The following UBXN11 variants were observed in gnomAD, a reference collection of about 807,000 sequenced individuals.
UBXN11 encodes UBX domain-containing protein 11.
Under a neutral mutation model 62.8 loss-of-function variants are expected in UBXN11, and 47 were observed. The ratio of observed to expected loss-of-function variants is 0.75; its 90% CI spans 0.59 to 0.95. The LOEUF is 0.95. Among genes scored for constraint, UBXN11 ranks in the 40% least tolerant of loss-of-function variants. The pLI is 0.00. For synonymous variants in UBXN11, 294 were observed against 267.0 expected, an observed-to-expected ratio of 1.10 and a Z score of -0.99; for missense variants, 638 against 661.7, an observed-to-expected ratio of 0.96 and a Z score of 0.39.
intron 10 of UBXN11, 108 bp from the exon 11 acceptor site, chr1:26,284,590 AC>A: frequency 1.4e-6 from 2 of 1,424,568 alleles, no homozygotes; most frequent in South Asian, 1.5e-5. Flanking sequence ...GTCTAATGCA[AC>A]CCCCATTTTA....
chr1:26,291,139 C>T (rs75511481), intron 8 of UBXN11, among the ~76,000 whole-genome samples: 5,826 of 152,266 alleles, frequency 0.038, 173 homozygotes, highest in Non-Finnish European at 0.059. Flanking sequence ...TCACCCTCCA[C>T]AGGCCTCCAC....
At chr1:26,284,288 G>A (rs1359954911) in intron 11 of UBXN11, 43 bp from the exon 12 acceptor site, 2 of 1,609,844 alleles carry the variant, frequency 1.2e-6, no homozygotes, top group Non-Finnish European at 1.7e-6. Flanking sequence ...AGGACTATGA[G>A]TGGTGGTGGA....
chr1:26,295,123 A>C (rs887518093), intron 7 of UBXN11, among the ~76,000 whole-genome samples: 7 of 152,098 alleles, frequency 4.6e-5, no homozygotes, highest in African/African-American at 1.7e-4. Context: ...TTGGATGTCT[A>C]ATGGCTGTGG....
At chr1:26,284,506 C>T (rs750958979) in intron 10 of UBXN11, 24 bp from the exon 11 acceptor site, 32 of 1,570,918 alleles carry the variant, frequency 2.0e-5, no homozygotes, top group Admixed American at 3.6e-5. Flanking sequence ...AGGGCAACGA[C>T]GGCAGCGGAC....
chr1:26,288,440 G>A (rs976187742), intron 8 of UBXN11, among the ~76,000 whole-genome samples: 2 of 152,174 alleles, frequency 1.3e-5, no homozygotes, highest in East Asian at 1.9e-4. Context: ...CCAGGGGCCA[G>A]GAAGAAGGAA....
intron 6 of UBXN11, 125 bp from the exon 7 acceptor site, chr1:26,297,120 A>C: frequency 1.7e-6 from 2 of 1,161,414 alleles, no homozygotes; most frequent in East Asian, 2.6e-5. Flanking sequence ...TTGGCCCCCC[A>C]CCTCTCTGGC....
intron 2 of UBXN11, among the ~76,000 whole-genome samples, chr1:26,302,160 C>T (rs2073552773): frequency 6.6e-6 from 1 of 151,898 alleles, no homozygotes; most frequent in Non-Finnish European, 1.5e-5. Flanking sequence ...GTCAGGAGAT[C>T]GAGACCATCC....
intron 8 of UBXN11, among the ~76,000 whole-genome samples, chr1:26,290,918 G>A (rs371363282): frequency 2.6e-5 from 4 of 152,258 alleles, no homozygotes; most frequent in South Asian, 2.1e-4. Context: ...CCCCAGTGGC[G>A]TGTGACCAGA....
At chr1:26,299,558 G>T (rs1292408177) in intron 4 of UBXN11, among the ~76,000 whole-genome samples, 1 of 151,896 alleles carries the variant, frequency 6.6e-6, no homozygotes, top group Non-Finnish European at 1.5e-5. Context: ...AAAGGAGGTG[G>T]TGATGACAGC....
intron 1 of UBXN11, among the ~76,000 whole-genome samples, chr1:26,312,474 A>G (rs529322730): frequency 2.9e-4 from 43 of 150,810 alleles, no homozygotes; most frequent in African/African-American, 9.7e-4. Context: ...CTGGTTTCAA[A>G]CTCCCGACCT....
upstream of UBXN11, among the ~76,000 whole-genome samples, chr1:26,309,592 T>A (rs542465186): frequency 7.9e-5 from 12 of 152,158 alleles, no homozygotes; most frequent in Non-Finnish European, 1.6e-4. Context: ...AGCCTTATTA[T>A]AAAAATATAC....
Position 26,285,470 on chromosome 1 carries a change from G to C in UBXN11, c.846C>G (p.Pro282=), listed in dbSNP as rs758111110. The C allele has an allele frequency of 6.2e-7, 1 of 1,611,444 alleles. No homozygotes were observed. Among genetic ancestry groups the C allele is most frequent in the Non-Finnish European group, 8.5e-7 (1 of 1,178,504 alleles). ...TTGAGGAGCAGCTTATCACCTTAAA[G>C]GGGACCCCATTGGGGTACAGTCGCT... ...ELQRLYPNGV[P]FKVSDLRNQV... Residue 282 remains proline, a synonymous_variant, in exon 10 of 15, where the codon CCC becomes CCG. Coordinates refer to ENST00000374222, the MANE Select transcript of UBXN11 (RefSeq NM_001389556.1).
intron 2 of UBXN11, 82 bp downstream of exon 2, chr1:26,302,731 G>A (rs2073569324): frequency 7.6e-6 from 11 of 1,455,946 alleles, no homozygotes; most frequent in Non-Finnish European, 1.0e-5. Context: ...CAAGACACTA[G>A]GAGTCACTGT....
At chr1:26,283,181 C>G (rs767049356) in intron 12 of UBXN11, among the ~76,000 whole-genome samples, 1 of 152,152 alleles carries the variant, frequency 6.6e-6, no homozygotes, top group Non-Finnish European at 1.5e-5. Flanking sequence ...GAACCCCACA[C>G]AGACGATGAT....
chr1:26,297,389 G>A, intron 6 of UBXN11, 38 bp downstream of exon 6: 1 of 1,501,656 alleles, frequency 6.7e-7, no homozygotes, highest in South Asian at 1.3e-5. Flanking sequence ...GGAGGTGCCT[G>A]ACTGGGGGCG....
chr1:26,309,098 A>G (rs2073712873), upstream of UBXN11, among the ~76,000 whole-genome samples: 1 of 151,580 alleles, frequency 6.6e-6, no homozygotes, highest in South Asian at 2.1e-4. Flanking sequence ...ATGCCCAGCT[A>G]ATTTTTTTGT....
At chr1:26,315,066 C>T (rs1041480145) in intron 1 of UBXN11, among the ~76,000 whole-genome samples, 14 of 151,584 alleles carry the variant, frequency 9.2e-5, no homozygotes, top group Admixed American at 3.3e-4. Flanking sequence ...TGGGTGACAA[C>T]GGCAAGAACC....
chr1:26,300,789 C>A, intron 4 of UBXN11, 137 bp downstream of exon 4: 1 of 1,434,776 alleles, frequency 7.0e-7, no homozygotes, highest in Non-Finnish European at 9.3e-7. Flanking sequence ...AGGTCCCTGC[C>A]ACAATCAGCC....
At chr1:26,286,087 C>A in intron 8 of UBXN11, 50 bp from the exon 9 acceptor site, 1 of 1,511,418 alleles carries the variant, frequency 6.6e-7, no homozygotes, top group South Asian at 1.3e-5. Context: ...TGTCATGTCC[C>A]TAGCAGCCCT....
Sources: allele counts gnomAD v4.1 joint callset (sites outside exome capture counted in the v4.1 genomes callset), GRCh38; gene constraint gnomAD v4.1.1; transcripts MANE v1.5; gene names NCBI Gene and HGNC (gene_info 2026-07-23, HGNC 2026-07-21).